ZNF362: variants seen among roughly 807,000 people sequenced by gnomAD.
The protein encoded by ZNF362 is rotund homolog.
Under a neutral mutation model 42.9 loss-of-function variants are expected in ZNF362, and 11 were observed. That is an observed-to-expected ratio of 0.26 (90% CI 0.16 to 0.42). The LOEUF (loss-of-function observed/expected upper bound fraction) is 0.42, where lower values mean the gene tolerates loss of function less well. Among genes scored for constraint, ZNF362 ranks in the 20% least tolerant of loss-of-function variants. The pLI, the probability that ZNF362 is intolerant of heterozygous loss-of-function variation, is 1.00. For synonymous variants in ZNF362, 255 were observed against 257.3 expected, an observed-to-expected ratio of 0.99 and a Z score of 0.09; for missense variants, 362 against 576.2, an observed-to-expected ratio of 0.63 and a Z score of 3.81.
At chr1:33,230,024 A>C in the ZNF362 span, among the ~76,000 whole-genome samples, 1 of 152,194 alleles carries the variant, frequency 6.6e-6, no homozygotes, top group African/African-American at 2.4e-5. Context: ...TCTTCTATGC[A>C]AAAGCTGGAT....
intron 6 of ZNF362, among the ~76,000 whole-genome samples, chr1:33,289,450 G>A (rs971124877): frequency 1.1e-4 from 16 of 152,118 alleles, no homozygotes; most frequent in Non-Finnish European, 1.9e-4. Flanking sequence ...GCGGAGAGAG[G>A]CTGAGGCTGG....
intron 4 of ZNF362, among the ~76,000 whole-genome samples, chr1:33,277,971 CCTT>C (rs778970983): frequency 2.8e-4 from 42 of 152,296 alleles, no homozygotes; most frequent in Admixed American, 1.9e-3. Context: ...CTGCCTCTCT[CCTT>C]CTCTCCTGCA....
At chr1:33,156,236 A>G in the ZNF362 span, among the ~76,000 whole-genome samples, 529 of 152,244 alleles carry the variant, frequency 3.5e-3, 5 homozygotes, top group Non-Finnish European at 5.2e-3. Flanking sequence ...TATTTCTTCT[A>G]TCATAAAAAA....
the ZNF362 span, among the ~76,000 whole-genome samples, chr1:33,190,182 C>T: frequency 0.036 from 5,528 of 152,176 alleles, 149 homozygotes; most frequent in African/African-American, 0.073. Flanking sequence ...ACATTACATG[C>T]TCTTGATCTG....
the ZNF362 span, among the ~76,000 whole-genome samples, chr1:33,205,302 A>G: frequency 1.3e-5 from 2 of 151,640 alleles, no homozygotes; most frequent in African/African-American, 4.8e-5. Flanking sequence ...TGAGCAACAT[A>G]GTGAGACCTC....
At chr1:33,211,949 A>T in the ZNF362 span, among the ~76,000 whole-genome samples, 1 of 152,168 alleles carries the variant, frequency 6.6e-6, no homozygotes, top group South Asian at 2.1e-4. Context: ...GATGGTTTTC[A>T]TCTGTGTCCC....
At chr1:33,165,548 G>A in the ZNF362 span, 1 of 1,609,972 alleles carries the variant, frequency 6.2e-7, no homozygotes, top group Non-Finnish European at 8.5e-7. The surrounding 1 kb of genome is among the most constrained non-coding windows in gnomAD (Gnocchi z 4.0). Context: ...AGGGCCTGAA[G>A]TTGGTCCTTC....
chr1:33,227,161 C>A, the ZNF362 span, among the ~76,000 whole-genome samples: 1 of 152,140 alleles, frequency 6.6e-6, no homozygotes, highest in Admixed American at 6.5e-5. Flanking sequence ...GAACTATATA[C>A]TTTAAATGAG....
At chr1:33,139,780 G>A in the ZNF362 span, among the ~76,000 whole-genome samples, 1 of 152,150 alleles carries the variant, frequency 6.6e-6, no homozygotes, top group African/African-American at 2.4e-5. Context: ...CTGAGGATGG[G>A]GGCAAGAGTG....
rs1445883344 is a variant in ZNF362 at position 33,256,632 on chromosome 1, G to A, written c.-111G>A. 2.1e-5 allele frequency: 3 copies of A among 146,166 alleles called. No homozygotes were observed. The highest frequency in any genetic ancestry group is 4.9e-5 in the African/African-American group (2 of 40,698). The allele number at this position is 146,166 out of a possible 1,614,324, so 9.1% of individuals were successfully genotyped here. Reference sequence around the variant, plus strand: ...GGGCGCGGGGCTGCGGCCGCGTCCCGGAGGCGCCGCCAGCACAGCCAGGTC... The same window carrying A: ...GGGCGCGGGGCTGCGGCCGCGTCCCAGAGGCGCCGCCAGCACAGCCAGGTC... On this transcript the variant is annotated 5_prime_UTR_variant, in exon 1 of 9. Transcript: ENST00000539719.
At chr1:33,296,854 G>GA (rs1646128485) in intron 8 of ZNF362, among the ~76,000 whole-genome samples, 1 of 143,092 alleles carries the variant, frequency 7.0e-6, no homozygotes, top group Non-Finnish European at 1.5e-5. Flanking sequence ...GTATATTTTA[G>GA]AGACGGGGTC....
chr1:33,283,680 G>A (rs1449116024), intron 6 of ZNF362, among the ~76,000 whole-genome samples: 1 of 152,044 alleles, frequency 6.6e-6, no homozygotes, highest in East Asian at 1.9e-4. Context: ...ACTCCAGCCT[G>A]GGGGACAGAG....
the ZNF362 span, among the ~76,000 whole-genome samples, chr1:33,203,825 T>C: frequency 2.6e-5 from 4 of 152,314 alleles, no homozygotes; most frequent in South Asian, 8.3e-4. Flanking sequence ...TTATTTGTTT[T>C]CTTGCTATTG....
chr1:33,214,969 T>C, the ZNF362 span, among the ~76,000 whole-genome samples: 1 of 152,228 alleles, frequency 6.6e-6, no homozygotes. Flanking sequence ...AGAACTACCA[T>C]ATGATCTAGC....
chr1:33,233,064 G>A, the ZNF362 span, among the ~76,000 whole-genome samples: 1 of 152,228 alleles, frequency 6.6e-6, no homozygotes, highest in Admixed American at 6.5e-5. Flanking sequence ...CTGAGACTCA[G>A]TTGCCCATAG....
In ZNF362 at chr1:33,280,821, C is replaced by T. The variant is rs1000230698; in HGVS notation, c.683+364C>T. On this transcript the variant is annotated intron_variant, in intron 5 of 8. Coordinates refer to ENST00000539719, the MANE Select transcript of ZNF362 (RefSeq NM_152493.3). The surrounding 1 kb of genome is among the most constrained non-coding windows in gnomAD (Gnocchi z 5.6). ...CAATGGCTCATCCCTGTAATCCCAGCGCTTTGGGAGGCCAAGGCGGGTGGA... is the reference window on the plus strand; with the variant it reads ...CAATGGCTCATCCCTGTAATCCCAGTGCTTTGGGAGGCCAAGGCGGGTGGA... 6.6e-6 allele frequency among the ~76,000 whole-genome samples: 1 copy of T among 152,166 alleles called. No individual in the cohort carries two copies. The highest frequency in any genetic ancestry group is 1.5e-5 in the Non-Finnish European group (1 of 68,026).
chr1:33,275,184 C>G, intron 2 of ZNF362: 1 of 985,416 alleles, frequency 1.0e-6, no homozygotes. Flanking sequence ...GAGGCATGGT[C>G]CCTGTAAGTC....
the ZNF362 span, among the ~76,000 whole-genome samples, chr1:33,132,581 T>G: frequency 3.3e-5 from 5 of 152,210 alleles, no homozygotes; most frequent in African/African-American, 9.6e-5. Context: ...CCCCCTAACC[T>G]TCCTCTCCTG....
the ZNF362 span, among the ~76,000 whole-genome samples, chr1:33,213,070 A>C: frequency 2.6e-5 from 4 of 152,226 alleles, no homozygotes; most frequent in Non-Finnish European, 4.4e-5. Flanking sequence ...CTGAATCTCA[A>C]AATAATTGTG....
Sources: gnomAD v4.1 joint callset for allele counts (sites outside exome capture counted in the v4.1 genomes callset) on GRCh38, gnomAD v4.1.1 for gene constraint, Gnocchi (gnomAD v3.1) non-coding constraint, MANE v1.5 for transcripts, NCBI Gene and HGNC (gene_info 2026-07-23, HGNC 2026-07-21) for gene names.